The following OR52E5 variants were observed in gnomAD, a reference collection of about 807,000 sequenced individuals.
OR52E5 encodes olfactory receptor 52E5.
At position 5,900,184 on chromosome 11, in the gene OR52E5, G is replaced by A. The variant is rs143388736; in HGVS notation, c.-145-448G>A. On this transcript the variant is annotated intron_variant, in intron 2 of 2. Coordinates refer to ENST00000610445, the MANE Select transcript of OR52E5 (RefSeq NM_001005166.5). The stretch of plus-strand genomic sequence containing the variant: ...GGGAGCATTGTTTTTCTGGAATTAT[G>A]CAATAGTTACCCTATGTATCTAAAT... Among the ~76,000 whole-genome samples the A allele has an allele frequency of 6.9e-3, 1,052 of 152,180 alleles. 17 individuals carry two copies. Among genetic ancestry groups the A allele is most frequent in the African/African-American group, 0.024 (1,003 of 41,526 alleles).
intron 2 of OR52E5, among the ~76,000 whole-genome samples, chr11:5,897,743 G>A (rs1847194923): frequency 1.3e-5 from 2 of 152,102 alleles, no homozygotes; most frequent in Admixed American, 1.3e-4. Flanking sequence ...CTAATACTGT[G>A]TAAGTGTTCC....
intron 2 of OR52E5, among the ~76,000 whole-genome samples, chr11:5,897,585 G>C (rs1590403040): frequency 6.6e-6 from 1 of 152,300 alleles, no homozygotes; most frequent in East Asian, 1.9e-4. Flanking sequence ...GCTGTGATAA[G>C]CAAATCAGTG....
intron 1 of OR52E5, among the ~76,000 whole-genome samples, chr11:5,894,009 C>T (rs989109651): frequency 3.3e-5 from 5 of 152,062 alleles, no homozygotes; most frequent in Admixed American, 6.6e-5. Flanking sequence ...TCTTTCTGCC[C>T]GCCATTCTCT....
intron 2 of OR52E5, among the ~76,000 whole-genome samples, chr11:5,897,228 C>T (rs1316637270): frequency 1.3e-5 from 2 of 152,194 alleles, no homozygotes; most frequent in Non-Finnish European, 2.9e-5. Context: ...GTGAACCCAT[C>T]ACCCAAATAG....
At chr11:5,896,457 T>A (rs1847177163) in intron 2 of OR52E5, among the ~76,000 whole-genome samples, 1 of 150,580 alleles carries the variant, frequency 6.6e-6, no homozygotes, top group Admixed American at 6.6e-5. Flanking sequence ...GAAGAAAAAA[T>A]TTGAATGAAA....
intron 2 of OR52E5, among the ~76,000 whole-genome samples, chr11:5,898,537 A>C (rs777688430): frequency 3.3e-5 from 5 of 152,180 alleles, no homozygotes; most frequent in Non-Finnish European, 7.4e-5. Flanking sequence ...TGTCCAGAAA[A>C]GTTTTTCCTA....
intron 1 of OR52E5, among the ~76,000 whole-genome samples, chr11:5,893,543 G>A (rs1482071771): frequency 1.3e-5 from 2 of 151,784 alleles, no homozygotes; most frequent in Non-Finnish European, 2.9e-5. Context: ...GAAAAGAGAA[G>A]GATAAGTGTT....
rs1386317567 is a variant in OR52E5, at chr11:5,898,165, T to C, written c.-146+2452T>C. ...TAAGCCACTGCACCTGGCCTCATTGTGGTTTTAAGTTGCACTTTTTTGATG... is the reference window on the plus strand; with the variant it reads ...TAAGCCACTGCACCTGGCCTCATTGCGGTTTTAAGTTGCACTTTTTTGATG... On this transcript the variant is annotated intron_variant, in intron 2 of 2. Coordinates refer to ENST00000610445, the MANE Select transcript of OR52E5 (RefSeq NM_001005166.5). Among the ~76,000 whole-genome samples the C allele has an allele frequency of 2.6e-5, 4 of 152,098 alleles. No individual in the cohort carries two copies. The East Asian group carries it at 7.7e-4, about 29-fold the overall frequency.
At chr11:5,898,095 G>A (rs367660785) in intron 2 of OR52E5, among the ~76,000 whole-genome samples, 19 of 151,826 alleles carry the variant, frequency 1.3e-4, no homozygotes, top group Admixed American at 6.6e-4. Flanking sequence ...CTGGGCTCAA[G>A]TTATCCTCCC....
chr11:5,899,528 T>C (rs1847220592), intron 2 of OR52E5, among the ~76,000 whole-genome samples: 1 of 152,178 alleles, frequency 6.6e-6, no homozygotes, highest in African/African-American at 2.4e-5. Flanking sequence ...AGTTTTTCTT[T>C]AGGATTAGTA....
Position 5,894,760 on chromosome 11 carries a change from G to A in OR52E5, c.-227-872G>A, listed in dbSNP as rs180757300. Among the ~76,000 whole-genome samples the A allele has an allele frequency of 2.6e-3, 399 of 152,030 alleles. 1 individual carries two copies. Among genetic ancestry groups the A allele is most frequent in the African/African-American group, 8.5e-3 (353 of 41,472 alleles). On this transcript the variant is annotated intron_variant, in intron 1 of 2. Transcript: ENST00000610445. ...ATTTTATTCTTATGGCTCAGGGGTC[G>A]GTGCCCTTTTTCTATAAAGAGAGAG...
chr11:5,893,732 G>A lies in OR52E5; in HGVS notation c.-228+462G>A, dbSNP rs560792454. 2.6e-5 allele frequency among the ~76,000 whole-genome samples: 4 copies of A among 152,182 alleles called. No individual in the cohort carries two copies. The South Asian group carries it at 6.2e-4, about 24-fold the overall frequency. ...TCCCTGGAATTGCCCTCAGATCCAAGGAACTGCCTCATCTGAGGTCATGTC... is the reference window on the plus strand; with the variant it reads ...TCCCTGGAATTGCCCTCAGATCCAAAGAACTGCCTCATCTGAGGTCATGTC... On this transcript the variant is annotated intron_variant, in intron 1 of 2. Transcript: ENST00000610445.
At chr11:5,895,189 T>C (rs1847156890) in intron 1 of OR52E5, among the ~76,000 whole-genome samples, 1 of 152,192 alleles carries the variant, frequency 6.6e-6, no homozygotes, top group Non-Finnish European at 1.5e-5. Context: ...TTCAAAGTCC[T>C]ACACCAAAAT....
chr11:5,898,645 A>C (rs73398285), intron 2 of OR52E5, among the ~76,000 whole-genome samples: 9,174 of 152,190 alleles, frequency 0.06, 920 homozygotes, highest in African/African-American at 0.21. Flanking sequence ...GTCCAGTTTT[A>C]TTCTTCTACA....
chr11:5,899,594 G>A (rs573391907), intron 2 of OR52E5, among the ~76,000 whole-genome samples: 16 of 152,278 alleles, frequency 1.1e-4, no homozygotes, highest in Non-Finnish European at 1.9e-4. Context: ...TTGACCCATG[G>A]CACTGATATG....
rs1271443980 is a variant in OR52E5 at position 5,902,640 on chromosome 11, G to A, written c.*880G>A. 1 of 152,202 alleles carries A rather than the reference G, an allele frequency of 6.6e-6. No homozygotes were observed. The highest frequency in any genetic ancestry group is 2.4e-5 in the African/African-American group (1 of 41,438). 9.4% of individuals were successfully genotyped at this position (152,202 alleles called of 1,614,324 possible). A position where few individuals can be genotyped will look rare whatever the true frequency, so the allele number is the denominator to read the frequency against. On this transcript the variant is annotated 3_prime_UTR_variant, in exon 3 of 3. Coordinates refer to ENST00000610445, the MANE Select transcript of OR52E5 (RefSeq NM_001005166.5). ...GCTAGAGTGGGTTTTAGGGCAGACT[G>A]TAATAGTGTGGCTGCTGAAATAATA...
rs1197424405 is a variant in OR52E5 at position 5,902,276 on chromosome 11, G to A, written c.*516G>A. ...TGATTTATAGCATTTTATGAGCAGG[G>A]ATATTGAAGCTTAAAGTGAATGTTG... On this transcript the variant is annotated 3_prime_UTR_variant, in exon 3 of 3. Transcript: ENST00000610445. The A allele has an allele frequency of 6.6e-6, 1 of 152,536 alleles. No homozygotes were observed. Among genetic ancestry groups the A allele is most frequent in the African/African-American group, 2.4e-5 (1 of 41,438 alleles). 9.4% of individuals were successfully genotyped at this position (152,536 alleles called of 1,614,324 possible).
At chr11:5,895,261 C>A (rs1387538895) in intron 1 of OR52E5, among the ~76,000 whole-genome samples, 2 of 151,838 alleles carry the variant, frequency 1.3e-5, no homozygotes, top group Non-Finnish European at 1.5e-5. Flanking sequence ...ATTCTTGTAA[C>A]AAGCACTGTC....
intron 2 of OR52E5, among the ~76,000 whole-genome samples, chr11:5,898,423 C>G: frequency 6.6e-6 from 1 of 152,092 alleles, no homozygotes; most frequent in East Asian, 1.9e-4. Context: ...TTTGGCTGCA[C>G]AGAATCTTTT....
Sources: allele counts gnomAD v4.1 joint callset (sites outside exome capture counted in the v4.1 genomes callset), GRCh38; gene constraint gnomAD v4.1.1; transcripts MANE v1.5; gene names NCBI Gene and HGNC (gene_info 2026-07-23, HGNC 2026-07-21).